The following PRPS1 variants were observed in gnomAD, a reference collection of about 807,000 sequenced individuals.
PRPS1 encodes phosphoribosyl pyrophosphate synthetase 1.
A neutral mutation model predicts 16.9 loss-of-function variants in PRPS1; 1 was observed. The ratio of observed to expected loss-of-function variants is 0.06; its 90% confidence interval spans 0.02 to 0.28. The LOEUF (loss-of-function observed/expected upper bound fraction) is 0.28, where lower values mean the gene tolerates loss of function less well. PRPS1 is among the 10% of genes least tolerant of loss of function. PRPS1 has a pLI of 1.00. For missense variants in PRPS1, 47 were observed against 254.0 expected (o/e 0.19, Z 5.54); for synonymous variants, 70 against 90.2 (o/e 0.78, Z 1.27).
At chrX:107,630,589 T>C (rs181131365) in intron 1 of PRPS1, among the ~76,000 whole-genome samples, 1 of 111,455 alleles carries the variant, frequency 9.0e-6, no homozygotes, top group African/African-American at 3.3e-5. Context: ...TTTTATGGAG[T>C]TCCCCCTATC....
chrX:107,631,339 C>A (rs1274374105), intron 1 of PRPS1, among the ~76,000 whole-genome samples: 3 of 111,818 alleles, frequency 2.7e-5, no homozygotes, highest in Admixed American at 9.5e-5. Flanking sequence ...GATCTGCCTG[C>A]CTCTGCCTCT....
intron 6 of PRPS1, among the ~76,000 whole-genome samples, 190 bp downstream of exon 6, chrX:107,647,955 T>G (rs951055175): frequency 9.0e-6 from 1 of 110,996 alleles, no homozygotes; most frequent in Non-Finnish European, 1.9e-5. Context: ...CTTTTCAAAC[T>G]GCCAAGCCTT....
intron 1 of PRPS1, among the ~76,000 whole-genome samples, chrX:107,635,436 A>C (rs1925412016): frequency 2.8e-5 from 3 of 105,470 alleles, no homozygotes; most frequent in Admixed American, 2.0e-4. Context: ...GCAGCATTAA[A>C]ATTTTCTGAT....
At chrX:107,643,658 T>G (rs1293468907) in intron 4 of PRPS1, among the ~76,000 whole-genome samples, 2 of 111,709 alleles carry the variant, frequency 1.8e-5, no homozygotes, top group Non-Finnish European at 3.8e-5. Flanking sequence ...GAGAGTTACT[T>G]TTTCTAGCCC....
At chrX:107,644,395 A>G (rs1925642144) in intron 4 of PRPS1, among the ~76,000 whole-genome samples, 3 of 111,717 alleles carry the variant, frequency 2.7e-5, no homozygotes, top group Non-Finnish European at 5.6e-5. Flanking sequence ...AGGCATTGGA[A>G]CAGGCTGGAT....
At position 107,647,600 on chromosome X, in the gene PRPS1, C is replaced by T. The variant is rs199740956; in HGVS notation, c.705-6C>T. ...ATGAATCCAAATCAACATTTTTTCC[C>T]TCTAGACTTCTCTCAGCTGGCGCCA... On this transcript the variant is annotated splice_polypyrimidine_tract_variant and splice_region_variant and intron_variant, in intron 5 of 6. Coordinates refer to ENST00000372435, the MANE Select transcript of PRPS1 (RefSeq NM_002764.4). 46 of 1,208,683 alleles carry T rather than the reference C, an allele frequency of 3.8e-5. No individual in the cohort carries two copies. The highest frequency in any genetic ancestry group is 4.6e-4 in the Middle Eastern group (2 of 4,353).
At chrX:107,647,855 ATCTT>A in intron 6 of PRPS1, 90 bp downstream of exon 6, 3 of 1,006,601 alleles carry the variant, frequency 3.0e-6, no homozygotes, top group East Asian at 6.3e-5. Flanking sequence ...TTCTGAAGAT[ATCTT>A]TCTTTGGTCT....
intron 5 of PRPS1, among the ~76,000 whole-genome samples, chrX:107,646,819 G>A (rs1367355575): frequency 1.8e-5 from 2 of 112,242 alleles, no homozygotes. Context: ...TTTTTGTTAA[G>A]TCCAACCAAA....
chrX:107,644,023 T>C (rs1246183025), intron 4 of PRPS1, among the ~76,000 whole-genome samples: 1 of 112,100 alleles, frequency 8.9e-6, no homozygotes, highest in Non-Finnish European at 1.9e-5. Context: ...CACGGGCTGC[T>C]TCACACATGA....
At position 107,628,547 on chromosome X, in the gene PRPS1, T is replaced by C. The variant is rs1487033505; in HGVS notation, c.-82T>C. ...CGGAGTAGCAACGCAAAGCGCTTGG[T>C]ATTGAGTCTGTGGCCGACTTCGGTT... On this transcript the variant is annotated 5_prime_UTR_variant, in exon 1 of 7. Transcript: ENST00000372435. 1 of 1,200,777 alleles carries C rather than the reference T, an allele frequency of 8.3e-7. No individual in the cohort carries two copies. Among genetic ancestry groups the C allele is most frequent in the East Asian group, 3.0e-5 (1 of 33,604 alleles).
chrX:107,641,937 A>G (rs1354805389), intron 3 of PRPS1, among the ~76,000 whole-genome samples: 1 of 112,572 alleles, frequency 8.9e-6, no homozygotes, highest in Non-Finnish European at 1.9e-5. Context: ...ACTATTTATC[A>G]TAAGTAGCTT....
At chrX:107,635,728 T>G (rs1307358530) in intron 1 of PRPS1, among the ~76,000 whole-genome samples, 1 of 110,868 alleles carries the variant, frequency 9.0e-6, no homozygotes, top group Non-Finnish European at 1.9e-5. Flanking sequence ...AAAGTGACTC[T>G]TTTAGCTTGA....
intron 6 of PRPS1, among the ~76,000 whole-genome samples, chrX:107,649,408 C>T (rs931495940): frequency 2.8e-5 from 3 of 108,503 alleles, no homozygotes; most frequent in African/African-American, 6.7e-5. Flanking sequence ...CCAAAGTCAG[C>T]GTTTTTTCTC....
In PRPS1 at chrX:107,647,663, C is replaced by G. The variant is rs780750403; in HGVS notation, c.762C>G (p.Ser254=). Residue 254 remains serine (S), a synonymous_variant, in exon 6 of 7, where the codon TCC becomes TCG. Transcript: ENST00000372435. Reference sequence around the variant, plus strand: ...CCATCTTGACTCATGGAATCTTCTCCGGTCCTGCTATTTCTCGCATCAACA... The same window carrying G: ...CCATCTTGACTCATGGAATCTTCTCGGGTCCTGCTATTTCTCGCATCAACA... ...VYAILTHGIF[S]GPAISRINNA... is the part of the protein sequence containing the mutation. 1.7e-6 allele frequency: 2 copies of G among 1,210,845 alleles called. No homozygotes were observed.
intron 1 of PRPS1, among the ~76,000 whole-genome samples, chrX:107,638,143 T>G (rs2147680646): frequency 9.1e-6 from 1 of 109,494 alleles, no homozygotes; most frequent in South Asian, 3.9e-4. Context: ...GGAGTCTCAC[T>G]CTGTTGCCCA....
chrX:107,650,089 T>C lies in PRPS1; in HGVS notation c.*57T>C. 1 of 1,208,982 alleles carries C rather than the reference T, an allele frequency of 8.3e-7. No homozygotes were observed. Among genetic ancestry groups the C allele is most frequent in the Middle Eastern group, 2.5e-4 (1 of 3,983 alleles). ...AATCCACCCCACCCTTGTTTCCCCT[T>C]GGTATTTGATGACAAATTCAGCAGA... On this transcript the variant is annotated 3_prime_UTR_variant, in exon 7 of 7. Transcript: ENST00000372435.
intron 1 of PRPS1, among the ~76,000 whole-genome samples, chrX:107,631,430 T>TG (rs1354066153): frequency 8.9e-6 from 1 of 111,985 alleles, no homozygotes; most frequent in Non-Finnish European, 1.9e-5. Flanking sequence ...TCTTACCTTA[T>TG]GGTTATGCCA....
Position 107,642,433 on chromosome X carries a change from A to G in PRPS1, c.473A>G (p.Asn158Ser). ...GCTGTCCTAAAGTGGATAAGGGAGAATATCTCTGAGTGGAGGAACTGCACT... is the reference window on the plus strand; with the variant it reads ...GCTGTCCTAAAGTGGATAAGGGAGAGTATCTCTGAGTGGAGGAACTGCACT... ...EPAVLKWIRE[N>S]ISEWRNCTIV... Residue 158 changes from asparagine to serine, a missense_variant, in exon 4 of 7, where the codon AAT (asparagine) becomes AGT (serine). Physicochemically the swap from Asn to Ser is conservative, Grantham distance 46 (BLOSUM62 1). Coordinates refer to ENST00000372435, the MANE Select transcript of PRPS1 (RefSeq NM_002764.4). 1 of 1,211,710 alleles carries G rather than the reference A, an allele frequency of 8.3e-7. No individual in the cohort carries two copies. The highest frequency in any genetic ancestry group is 1.1e-6 in the Non-Finnish European group (1 of 895,378).
At position 107,650,624 on chromosome X, in the gene PRPS1, A is replaced by C. The variant is rs1412430954; in HGVS notation, c.*592A>C. 2 of 306,844 alleles carry C rather than the reference A, an allele frequency of 6.5e-6. No homozygotes were observed. Among genetic ancestry groups the C allele is most frequent in the African/African-American group, 5.5e-5 (2 of 36,155 alleles). The allele number at this position is 306,844 out of a possible 1,213,427, so 25.3% of individuals were successfully genotyped here. A position where few individuals can be genotyped will look rare whatever the true frequency, so the allele number is the denominator to read the frequency against. On this transcript the variant is annotated 3_prime_UTR_variant, in exon 7 of 7. Transcript: ENST00000372435. ...TTCTTGGGAGGAAGAAGCCTGATCC[A>C]TCACCATCTGCTTGACTATGTAGCT...
Sources: gnomAD v4.1 joint callset for allele counts (sites outside exome capture counted in the v4.1 genomes callset) on GRCh38, gnomAD v4.1.1 for gene constraint, MANE v1.5 for transcripts, NCBI Gene and HGNC (gene_info 2026-07-23, HGNC 2026-07-21) for gene names.